TENM3: variants seen among roughly 807,000 people sequenced by gnomAD.
TENM3 encodes the protein teneurin-3.
Under a neutral mutation model 255.1 loss-of-function variants are expected in TENM3, and 63 were observed. The observed-to-expected ratio is 0.25, with a 90% confidence interval of 0.20 to 0.30. The LOEUF (loss-of-function observed/expected upper bound fraction) is 0.30. Among genes scored for constraint, TENM3 ranks in the 10% least tolerant of loss-of-function variants. The probability of loss-of-function intolerance (pLI) is 1.00; values close to 1 mark genes in which losing one functional copy is unlikely to be tolerated. For missense variants in TENM3, 2,929 were observed against 3,461.1 expected, an observed-to-expected ratio of 0.85 and a Z score of 3.86; for synonymous variants, 1,306 against 1,322.3, an observed-to-expected ratio of 0.99 and a Z score of 0.27.
chr4:182,675,528 G>A (rs1755598875), intron 7 of TENM3, among the ~76,000 whole-genome samples: 1 of 151,244 alleles, frequency 6.6e-6, no homozygotes, highest in Non-Finnish European at 1.5e-5. Context: ...GACGACAGGA[G>A]CAAAACTCTG....
At chr4:182,330,569 G>A (rs1375564166) in intron 2 of TENM3, among the ~76,000 whole-genome samples, 1 of 152,110 alleles carries the variant, frequency 6.6e-6, no homozygotes, top group Non-Finnish European at 1.5e-5. Context: ...CCATGTTTTG[G>A]GTAGCATGTC....
At chr4:182,551,982 C>T (rs1474267751) in intron 3 of TENM3, among the ~76,000 whole-genome samples, 1 of 149,802 alleles carries the variant, frequency 6.7e-6, no homozygotes, top group Non-Finnish European at 1.5e-5. Context: ...TGCATCATGA[C>T]ACCACTGCAC....
At chr4:182,526,869 A>G (rs1739248044) in intron 3 of TENM3, among the ~76,000 whole-genome samples, 1 of 152,116 alleles carries the variant, frequency 6.6e-6, no homozygotes, top group Non-Finnish European at 1.5e-5. Flanking sequence ...CTATGTGATG[A>G]TAGTCTTGAG....
At chr4:182,243,946 CTTTTTTTTTTTTTTTT>C (rs967487689) in intron 1 of TENM3, among the ~76,000 whole-genome samples, 2 of 72,914 alleles carry the variant, frequency 2.7e-5, no homozygotes, top group Non-Finnish European at 5.0e-5. Context: ...TTTGTGTTTT[CTTTTTTTTTTTTTTTT>C]TTTTTTTTTG....
At chr4:182,206,851 C>A (rs1266726192) in intron 1 of TENM3, among the ~76,000 whole-genome samples, 1 of 152,168 alleles carries the variant, frequency 6.6e-6, no homozygotes, top group African/African-American at 2.4e-5. Context: ...AGCCTAAATT[C>A]TCTAGACTTC....
chr4:182,535,233 C>T (rs558656083), intron 3 of TENM3, among the ~76,000 whole-genome samples: 1 of 152,306 alleles, frequency 6.6e-6, no homozygotes, highest in South Asian at 2.1e-4. Flanking sequence ...AAAATAAATT[C>T]TCAGTGAGAC....
chr4:181,617,095 G>A, the TENM3 span, among the ~76,000 whole-genome samples: 1 of 151,932 alleles, frequency 6.6e-6, no homozygotes, highest in African/African-American at 2.4e-5. Context: ...ACACACTAAT[G>A]CACCAATCTT....
chr4:181,636,682 G>A, the TENM3 span, among the ~76,000 whole-genome samples: 25 of 152,098 alleles, frequency 1.6e-4, no homozygotes, highest in Non-Finnish European at 3.1e-4. Context: ...CAGTGCAAGC[G>A]CCCATCGTGT....
At chr4:182,407,587 GTGAATGAA>G (rs546095847) in intron 3 of TENM3, among the ~76,000 whole-genome samples, 4 of 152,054 alleles carry the variant, frequency 2.6e-5, no homozygotes, top group Admixed American at 6.6e-5. Flanking sequence ...CATTTGCTGA[GTGAATGAA>G]TGAATGAATG....
the TENM3 span, among the ~76,000 whole-genome samples, chr4:182,046,622 C>T: frequency 1.3e-5 from 2 of 151,632 alleles, no homozygotes; most frequent in Non-Finnish European, 2.9e-5. Flanking sequence ...CCTAGATACT[C>T]GAGAGGCTGA....
chr4:181,971,438 T>C, the TENM3 span, among the ~76,000 whole-genome samples: 1 of 152,082 alleles, frequency 6.6e-6, no homozygotes, highest in Non-Finnish European at 1.5e-5. Context: ...TGCAGCCAAA[T>C]CTAGAAAAAT....
intron 1 of TENM3, among the ~76,000 whole-genome samples, chr4:182,245,094 T>A (rs778834234): frequency 1.3e-5 from 2 of 152,214 alleles, no homozygotes; most frequent in African/African-American, 2.4e-5. Context: ...ATTGTTTGTT[T>A]AATGGGCAGA....
chr4:181,949,538 C>G, the TENM3 span, among the ~76,000 whole-genome samples: 4 of 152,142 alleles, frequency 2.6e-5, no homozygotes, highest in African/African-American at 9.7e-5. Flanking sequence ...TCACCTGCAC[C>G]TCTACCACCC....
At chr4:182,679,144 C>T (rs1362008205) in intron 7 of TENM3, among the ~76,000 whole-genome samples, 1 of 151,950 alleles carries the variant, frequency 6.6e-6, no homozygotes, top group Non-Finnish European at 1.5e-5. Flanking sequence ...ACCACCATGG[C>T]ACGTGTATAC....
the TENM3 span, among the ~76,000 whole-genome samples, chr4:181,733,634 T>C: frequency 6.6e-6 from 1 of 152,148 alleles, no homozygotes; most frequent in African/African-American, 2.4e-5. Flanking sequence ...GACTAGTCTG[T>C]AGAAGGCAGA....
At chr4:181,888,359 A>C in the TENM3 span, among the ~76,000 whole-genome samples, 4 of 150,938 alleles carry the variant, frequency 2.7e-5, no homozygotes, top group African/African-American at 7.3e-5. Flanking sequence ...GTCATTTCCC[A>C]ACCTGCACCC....
chr4:182,083,573 A>T, the TENM3 span, among the ~76,000 whole-genome samples: 1 of 152,236 alleles, frequency 6.6e-6, no homozygotes, highest in African/African-American at 2.4e-5. Context: ...AGGCATTGTT[A>T]ACAGATTTGA....
chr4:182,142,121 C>A (rs1749484560), upstream of TENM3: 1 of 150,798 alleles, frequency 6.6e-6, no homozygotes, highest in Non-Finnish European at 1.5e-5. Flanking sequence ...AATTGACAAG[C>A]CTTTTTTTTA....
At chr4:182,077,883 G>C in the TENM3 span, among the ~76,000 whole-genome samples, 2 of 152,084 alleles carry the variant, frequency 1.3e-5, no homozygotes, top group Non-Finnish European at 2.9e-5. Context: ...ACTGTGGATG[G>C]GGGCTTGTTG....
Sources: gnomAD v4.1 joint callset for allele counts (sites outside exome capture counted in the v4.1 genomes callset) on GRCh38, gnomAD v4.1.1 for gene constraint, MANE v1.5 for transcripts, NCBI Gene and HGNC (gene_info 2026-07-23, HGNC 2026-07-21) for gene names.